The following PRR16 variants were observed in gnomAD, a reference collection of about 807,000 sequenced individuals.
PRR16 encodes protein Largen.
In PRR16, 6 loss-of-function variants were observed where a neutral mutation model predicts 18.2. That is an observed-to-expected ratio of 0.33 (90% CI 0.18 to 0.65). The LOEUF (loss-of-function observed/expected upper bound fraction) is 0.65, where lower values mean the gene tolerates loss of function less well. Ranked by LOEUF, PRR16 falls within the 30% of genes least tolerant of loss-of-function variation. The pLI is 0.74. For missense variants in PRR16, 412 were observed against 376.6 expected, an observed-to-expected ratio of 1.09 and a Z score of -0.78; for synonymous variants, 151 against 147.8, an observed-to-expected ratio of 1.02 and a Z score of -0.16.
chr5:120,481,625 G>A (rs1749620860), intron 1 of PRR16, among the ~76,000 whole-genome samples: 1 of 152,014 alleles, frequency 6.6e-6, no homozygotes, highest in South Asian at 2.1e-4. Context: ...CAATACAGTG[G>A]AATATGTTAG....
chr5:120,573,771 A>G (rs1000137854), intron 1 of PRR16, among the ~76,000 whole-genome samples: 13 of 152,194 alleles, frequency 8.5e-5, no homozygotes, highest in African/African-American at 3.1e-4. Context: ...GTTTCCTTCA[A>G]TAAATAACGC....
intron 1 of PRR16, among the ~76,000 whole-genome samples, chr5:120,542,364 T>TA (rs1751942494): frequency 6.6e-6 from 1 of 152,184 alleles, no homozygotes; most frequent in Admixed American, 6.6e-5. Context: ...TTTAGATTTA[T>TA]AAAAAAGTTG....
chr5:120,613,815 G>A (rs1031200732), intron 1 of PRR16, among the ~76,000 whole-genome samples: 1 of 152,138 alleles, frequency 6.6e-6, no homozygotes, highest in Non-Finnish European at 1.5e-5. Context: ...AAGAAATCTG[G>A]ACTGAGAATC....
the PRR16 span, among the ~76,000 whole-genome samples, chr5:120,711,065 C>T: frequency 2.0e-5 from 3 of 152,108 alleles, no homozygotes; most frequent in African/African-American, 7.2e-5. Context: ...CACTCTGACT[C>T]TGGGTCTTCT....
At chr5:120,518,869 G>A (rs1751081849) in intron 1 of PRR16, among the ~76,000 whole-genome samples, 1 of 152,112 alleles carries the variant, frequency 6.6e-6, no homozygotes, top group Non-Finnish European at 1.5e-5. Context: ...TGGAACTAGA[G>A]GAGTCATCTT....
At chr5:120,481,928 A>G (rs1383943671) in intron 1 of PRR16, among the ~76,000 whole-genome samples, 1 of 152,138 alleles carries the variant, frequency 6.6e-6, no homozygotes, top group Non-Finnish European at 1.5e-5. Flanking sequence ...CTAACAGAAA[A>G]TTGACTAATG....
chr5:120,789,113 A>G, the PRR16 span, among the ~76,000 whole-genome samples: 1 of 152,100 alleles, frequency 6.6e-6, no homozygotes, highest in South Asian at 2.1e-4. Context: ...AGATTAAAAA[A>G]ATACACTTAA....
At chr5:120,736,231 G>C in the PRR16 span, among the ~76,000 whole-genome samples, 1 of 152,138 alleles carries the variant, frequency 6.6e-6, no homozygotes, top group Non-Finnish European at 1.5e-5. Context: ...TTTGTACTGT[G>C]TTTAGAAAGA....
intron 1 of PRR16, among the ~76,000 whole-genome samples, chr5:120,620,184 T>C (rs1218156902): frequency 1.3e-5 from 2 of 152,276 alleles, no homozygotes; most frequent in Middle Eastern, 3.4e-3. Context: ...TTTTGCAAGA[T>C]TGTGGAATTC....
At chr5:120,784,601 G>A in the PRR16 span, among the ~76,000 whole-genome samples, 1 of 152,038 alleles carries the variant, frequency 6.6e-6, no homozygotes, top group Non-Finnish European at 1.5e-5. Context: ...AAACTCAATA[G>A]CAAAAAAATC....
chr5:120,549,133 T>A (rs1017437879), intron 1 of PRR16, among the ~76,000 whole-genome samples: 1 of 152,076 alleles, frequency 6.6e-6, no homozygotes, highest in African/African-American at 2.4e-5. Context: ...TGAGAGAGGC[T>A]CCTCCAGGCT....
At chr5:120,561,880 G>A (rs888015360) in intron 1 of PRR16, among the ~76,000 whole-genome samples, 1 of 152,124 alleles carries the variant, frequency 6.6e-6, no homozygotes, top group Non-Finnish European at 1.5e-5. Flanking sequence ...TGATTGTGAG[G>A]CCTCCCTAGC....
the PRR16 span, among the ~76,000 whole-genome samples, chr5:120,775,296 T>C: frequency 6.6e-6 from 1 of 152,176 alleles, no homozygotes; most frequent in African/African-American, 2.4e-5. Context: ...CTCTTTGTCC[T>C]CTTCTCCTGT....
At chr5:120,578,961 T>C (rs1449353152) in intron 1 of PRR16, among the ~76,000 whole-genome samples, 1 of 152,212 alleles carries the variant, frequency 6.6e-6, no homozygotes, top group African/African-American at 2.4e-5. Context: ...CATGAGATGG[T>C]ATCTCATTGT....
intron 1 of PRR16, among the ~76,000 whole-genome samples, chr5:120,605,229 G>A (rs1754116837): frequency 6.6e-6 from 1 of 152,092 alleles, no homozygotes; most frequent in African/African-American, 2.4e-5. Context: ...GTATTTCTTG[G>A]AGGTTTGTTC....
At chr5:120,764,785 G>A in the PRR16 span, among the ~76,000 whole-genome samples, 11 of 152,118 alleles carry the variant, frequency 7.2e-5, no homozygotes, top group East Asian at 7.7e-4. Context: ...ATTTCATTTC[G>A]TATTAACATC....
At chr5:120,637,032 A>G (rs1412117766) in intron 1 of PRR16, among the ~76,000 whole-genome samples, 1 of 152,152 alleles carries the variant, frequency 6.6e-6, no homozygotes, top group Non-Finnish European at 1.5e-5. Context: ...ATATGGAAAA[A>G]TGCTCAACAT....
At chr5:120,594,631 C>A (rs1008383349) in intron 1 of PRR16, among the ~76,000 whole-genome samples, 2 of 151,836 alleles carry the variant, frequency 1.3e-5, no homozygotes, top group African/African-American at 2.4e-5. Context: ...AAGAACAGAG[C>A]AAGAGCCCTA....
chr5:120,485,864 T>C lies in PRR16; in HGVS notation c.159+21219T>C, dbSNP rs570850883. ...CCTTCCTGTGTCCATGTGTTCTCAT[T>C]GTTCAATTCCCACCTATGAGTGAGA... On this transcript the variant is annotated intron_variant, in intron 1 of 1. Coordinates refer to ENST00000407149, the MANE Select transcript of PRR16 (RefSeq NM_001300783.2). Among the ~76,000 whole-genome samples the C allele has an allele frequency of 8.1e-4, 124 of 152,240 alleles. 2 individuals carry two copies. Among genetic ancestry groups the C allele is most frequent in the Non-Finnish European group, 1.4e-3 (92 of 68,016 alleles).
Sources: gnomAD v4.1 joint callset for allele counts (sites outside exome capture counted in the v4.1 genomes callset) on GRCh38, gnomAD v4.1.1 for gene constraint, MANE v1.5 for transcripts, NCBI Gene and HGNC (gene_info 2026-07-23, HGNC 2026-07-21) for gene names.